Variants in FOXP2 observed in about 807,000 individuals in gnomAD.
FOXP2 encodes forkhead box protein P2.
FOXP2 carries 12 observed loss-of-function variants against 115.8 expected under a neutral mutation model. That is an observed-to-expected ratio of 0.10 (90% CI 0.07 to 0.17). The LOEUF (loss-of-function observed/expected upper bound fraction) is 0.17. FOXP2 is among the 10% of genes least tolerant of loss of function. The probability of loss-of-function intolerance (pLI) is 1.00; values close to 1 mark genes in which losing one functional copy is unlikely to be tolerated. For missense variants in FOXP2, 629 were observed against 843.5 expected (o/e 0.75, Z 3.15); for synonymous variants, 328 against 297.7 (o/e 1.10, Z -1.05).
intron 2 of FOXP2, among the ~76,000 whole-genome samples, chr7:114,388,023 T>C (rs1448826715): frequency 6.6e-6 from 1 of 152,204 alleles, no homozygotes; most frequent in East Asian, 1.9e-4. Context: ...TCCTCATATT[T>C]TAATATATAA....
chr7:114,124,440 A>C (rs1301417694), intron 1 of FOXP2, among the ~76,000 whole-genome samples: 1 of 152,074 alleles, frequency 6.6e-6, no homozygotes, highest in African/African-American at 2.4e-5. Flanking sequence ...TGGGAGGTTG[A>C]TGCCCACAGT....
intron 4 of FOXP2, 160 bp downstream of exon 4, chr7:114,628,837 A>C (rs1332483183): frequency 1.2e-6 from 1 of 835,178 alleles, no homozygotes; most frequent in African/African-American, 1.7e-5. Flanking sequence ...TAGAACTCGT[A>C]AGAAAATCTA....
intron 1 of FOXP2, among the ~76,000 whole-genome samples, chr7:114,244,945 G>T (rs1389286349): frequency 6.6e-6 from 1 of 151,946 alleles, no homozygotes; most frequent in South Asian, 2.1e-4. Context: ...TGTATTTTTA[G>T]TAGAGACGGG....
chr7:114,477,232 A>G (rs1225504353), intron 2 of FOXP2, among the ~76,000 whole-genome samples: 1 of 152,074 alleles, frequency 6.6e-6, no homozygotes, highest in African/African-American at 2.4e-5. Flanking sequence ...CGCTATTCAC[A>G]AAAGCAGAGA....
intron 2 of FOXP2, among the ~76,000 whole-genome samples, chr7:114,316,440 T>C (rs1046455965): frequency 1.3e-5 from 2 of 152,202 alleles, no homozygotes; most frequent in East Asian, 1.9e-4. Flanking sequence ...AAAACAGGTA[T>C]AGTCCCTACT....
intron 2 of FOXP2, among the ~76,000 whole-genome samples, chr7:114,323,941 T>C (rs1797491352): frequency 6.6e-6 from 1 of 151,936 alleles, no homozygotes; most frequent in Admixed American, 6.5e-5. Context: ...GATGAAGAAC[T>C]CTTATTCTTT....
At chr7:114,092,722 TC>T (rs1326198632) in intron 1 of FOXP2, among the ~76,000 whole-genome samples, 1 of 152,008 alleles carries the variant, frequency 6.6e-6, no homozygotes, top group Non-Finnish European at 1.5e-5. Flanking sequence ...TAAAAAAAGA[TC>T]CCCAACATCT....
chr7:114,393,244 TAAC>T (rs551282327), intron 2 of FOXP2, among the ~76,000 whole-genome samples: 43 of 151,858 alleles, frequency 2.8e-4, no homozygotes, highest in African/African-American at 9.4e-4. Context: ...CTTCTTAAAA[TAAC>T]AACGACTCCT....
In FOXP2 at chr7:114,692,029, T is replaced by C. The variant is rs1188581209; in HGVS notation, c.*2103T>C. Reference sequence around the variant, plus strand: ...TCACAGTAACTGCTACTTTTCATTATGTTTGTCTTTGGGTCATGATCAACG... The same window carrying C: ...TCACAGTAACTGCTACTTTTCATTACGTTTGTCTTTGGGTCATGATCAACG... On this transcript the variant is annotated 3_prime_UTR_variant, in exon 17 of 17. Transcript: ENST00000350908. 2 of 453,290 alleles carry C rather than the reference T, an allele frequency of 4.4e-6. No individual in the cohort carries two copies. The highest frequency in any genetic ancestry group is 3.1e-5 in the South Asian group (2 of 64,292). 28.1% of individuals were successfully genotyped at this position (453,290 alleles called of 1,614,324 possible).
intron 2 of FOXP2, among the ~76,000 whole-genome samples, chr7:114,459,435 AG>A (rs1795463882): frequency 6.6e-6 from 1 of 152,250 alleles, no homozygotes; most frequent in Admixed American, 6.5e-5. Context: ...TGGAGTCAAA[AG>A]CAAAAGTTGT....
chr7:114,502,810 G>A (rs1797627724), intron 2 of FOXP2, among the ~76,000 whole-genome samples: 1 of 152,018 alleles, frequency 6.6e-6, no homozygotes, highest in South Asian at 2.1e-4. Context: ...TCTGTTTACA[G>A]TGGCAGAAAG....
At chr7:114,206,010 G>A (rs1007704304) in intron 1 of FOXP2, among the ~76,000 whole-genome samples, 1 of 152,090 alleles carries the variant, frequency 6.6e-6, no homozygotes, top group Admixed American at 6.6e-5. Flanking sequence ...TGGGTGGATC[G>A]CTTGACTCCA....
chr7:114,618,042 A>G (rs913653170), intron 3 of FOXP2, among the ~76,000 whole-genome samples: 2 of 152,114 alleles, frequency 1.3e-5, no homozygotes, highest in African/African-American at 2.4e-5. Context: ...TTGAAACTCA[A>G]CTTAAGCATT....
intron 1 of FOXP2, among the ~76,000 whole-genome samples, chr7:114,197,868 ATTT>A (rs767425079): frequency 7.1e-6 from 1 of 141,346 alleles, no homozygotes; most frequent in Non-Finnish European, 1.6e-5. Context: ...TTAATTTTTG[ATTT>A]TTTTTTTTTT....
intron 2 of FOXP2, among the ~76,000 whole-genome samples, chr7:114,462,034 A>G (rs1272554465): frequency 1.3e-5 from 2 of 151,872 alleles, no homozygotes; most frequent in Non-Finnish European, 2.9e-5. Flanking sequence ...TAATCACAGC[A>G]TTTTGCGAGG....
At chr7:114,426,911 AG>A in intron 2 of FOXP2, among the ~76,000 whole-genome samples, 1 of 151,806 alleles carries the variant, frequency 6.6e-6, no homozygotes, top group Non-Finnish European at 1.5e-5. Flanking sequence ...TTAAGCTCAC[AG>A]GATGATTTTT....
chr7:114,603,877 T>C (rs1803165007), intron 3 of FOXP2, among the ~76,000 whole-genome samples: 1 of 152,230 alleles, frequency 6.6e-6, no homozygotes. Context: ...AGCCTTTAGC[T>C]TCACAGCATG....
chr7:114,656,234 T>G (rs1480138783), intron 10 of FOXP2, among the ~76,000 whole-genome samples: 7 of 152,124 alleles, frequency 4.6e-5, no homozygotes, highest in Non-Finnish European at 7.4e-5. Context: ...GATTTGCAAT[T>G]TGGTATTTTC....
Position 114,241,244 on chromosome 7 carries a change from T to A in FOXP2, c.-101-46775T>A, listed in dbSNP as rs999276689. Among the ~76,000 whole-genome samples the A allele has an allele frequency of 1.2e-4, 18 of 152,222 alleles. No individual in the cohort carries two copies. In the East Asian group the frequency reaches 3.1e-3, roughly 26 times the overall value. On this transcript the variant is annotated intron_variant, in intron 1 of 17. Transcript: ENST00000634411. Reference sequence around the variant, plus strand: ...GTCTTCTGGGAGCTTTCATTCTAATTTGATAGAAAAGGATGTTTTTATTCC... The same window carrying A: ...GTCTTCTGGGAGCTTTCATTCTAATATGATAGAAAAGGATGTTTTTATTCC...
Sources: allele counts gnomAD v4.1 joint callset (sites outside exome capture counted in the v4.1 genomes callset), GRCh38; gene constraint gnomAD v4.1.1; transcripts MANE v1.5; gene names NCBI Gene and HGNC (gene_info 2026-07-23, HGNC 2026-07-21).